Variants in SSBP3 observed in about 807,000 individuals in gnomAD.
SSBP3 encodes single-stranded DNA-binding protein 3.
Under a neutral mutation model 69.6 loss-of-function variants are expected in SSBP3, and 5 were observed. The observed-to-expected ratio is 0.07, with a 90% CI of 0.04 to 0.15. The LOEUF (loss-of-function observed/expected upper bound fraction) is 0.15. Among genes scored for constraint, SSBP3 ranks in the 10% least tolerant of loss-of-function variants. The pLI is 1.00. For synonymous variants in SSBP3, 196 were observed against 193.4 expected (o/e 1.01, Z -0.11); for missense variants, 312 against 534.0 (o/e 0.58, Z 4.10).
exon 18 of SSBP3, chr1:54,225,893 C>T (rs563240866): frequency 6.6e-6 from 1 of 152,520 alleles, no homozygotes; most frequent in Admixed American, 6.5e-5. Context: ...CCCCACCCCC[C>T]ACAGCTGCTC....
rs1306799879 is a variant in SSBP3, at chr1:54,258,969, G to GC, written c.367-821dup. The stretch of plus-strand genomic sequence containing the variant: ...GTCAGTGGCAGAGCTGGGATGAGAA[G>GC]CCCCATGGGTCCAAGGCCCATCTCC... On this transcript the variant is annotated intron_variant, in intron 5 of 17. Coordinates refer to ENST00000610401, the Ensembl canonical transcript of SSBP3. This position sits in a 1 kb window ranked among gnomAD's most constrained non-coding sequence, Gnocchi z 4.5. 6.6e-6 allele frequency among the ~76,000 whole-genome samples: 1 copy of GC among 152,216 alleles called. No homozygotes were observed. The highest frequency in any genetic ancestry group is 6.5e-5 in the Admixed American group (1 of 15,288).
chr1:54,236,289 T>C (rs958217687), intron 14 of SSBP3, among the ~76,000 whole-genome samples: 12 of 152,156 alleles, frequency 7.9e-5, no homozygotes, highest in Non-Finnish European at 1.2e-4. Context: ...CTAATGTTTG[T>C]ATTTTTTAGT....
At chr1:54,319,832 T>C (rs1187493680) in intron 4 of SSBP3, among the ~76,000 whole-genome samples, 3 of 152,196 alleles carry the variant, frequency 2.0e-5, no homozygotes, top group African/African-American at 2.4e-5. Context: ...TATTCTTTTG[T>C]TGGCCTCTTC....
chr1:54,346,161 CA>C (rs779933899), intron 4 of SSBP3, among the ~76,000 whole-genome samples: 373 of 132,168 alleles, frequency 2.8e-3, no homozygotes, highest in East Asian at 6.7e-3. Context: ...GACTTCATCT[CA>C]AAAAAAAAAA....
chr1:54,317,707 G>A (rs1417662789), intron 4 of SSBP3, among the ~76,000 whole-genome samples: 1 of 152,130 alleles, frequency 6.6e-6, no homozygotes, highest in African/African-American at 2.4e-5. Flanking sequence ...ACAAGAGATG[G>A]GGTGCTGTAC....
intron 6 of SSBP3, 125 bp downstream of exon 6, chr1:54,257,944 A>G (rs1644951516): frequency 2.3e-6 from 2 of 868,924 alleles, no homozygotes; most frequent in Non-Finnish European, 3.3e-6. Context: ...AAAAAATTTA[A>G]TTTGTCAATA....
At chr1:54,302,014 C>G (rs1183801712) in intron 4 of SSBP3, among the ~76,000 whole-genome samples, 1 of 150,428 alleles carries the variant, frequency 6.6e-6, no homozygotes, top group African/African-American at 2.4e-5. Flanking sequence ...GCAATCCTCT[C>G]TGGATTCTCC....
chr1:54,351,117 G>A (rs1042749960), intron 4 of SSBP3, among the ~76,000 whole-genome samples: 4 of 152,134 alleles, frequency 2.6e-5, no homozygotes, highest in Non-Finnish European at 4.4e-5. Context: ...GTGAGCCACC[G>A]TGCCCAGCCT....
intron 11 of SSBP3, 23 bp from the exon 12 acceptor site, chr1:54,241,532 C>A (rs779868375): frequency 1.9e-6 from 3 of 1,613,118 alleles, no homozygotes; most frequent in Non-Finnish European, 2.5e-6. Flanking sequence ...TGTCAGGGAG[C>A]CCCACGTCAG....
chr1:54,375,677 G>A (rs1284231531), intron 4 of SSBP3, among the ~76,000 whole-genome samples: 1 of 152,198 alleles, frequency 6.6e-6, no homozygotes, highest in African/African-American at 2.4e-5. Flanking sequence ...TGGAAAGGAT[G>A]GTGAGGGGCG....
At chr1:54,266,231 G>A (rs1232180376) in intron 5 of SSBP3, among the ~76,000 whole-genome samples, 2 of 152,158 alleles carry the variant, frequency 1.3e-5, no homozygotes, top group Non-Finnish European at 2.9e-5. Flanking sequence ...TGGGTCCCTC[G>A]CACCAAGCTG....
chr1:54,337,220 G>A (rs1646522794), intron 4 of SSBP3, among the ~76,000 whole-genome samples: 1 of 152,254 alleles, frequency 6.6e-6, no homozygotes, highest in Admixed American at 6.5e-5. Context: ...CCACCCCAAC[G>A]GTTCACAGGG....
chr1:54,260,997 C>T (rs566883105), intron 5 of SSBP3, among the ~76,000 whole-genome samples: 25 of 152,348 alleles, frequency 1.6e-4, no homozygotes, highest in Admixed American at 1.1e-3. Context: ...GCCCACCTCT[C>T]GGCACAGAGC....
intron 7 of SSBP3, among the ~76,000 whole-genome samples, chr1:54,256,546 C>G (rs1299453176): frequency 6.6e-6 from 1 of 152,106 alleles, no homozygotes; most frequent in Non-Finnish European, 1.5e-5. Context: ...AATCAGACCC[C>G]TTTTCTAATT....
intron 4 of SSBP3, among the ~76,000 whole-genome samples, chr1:54,300,324 G>A (rs980569630): frequency 1.3e-5 from 2 of 152,196 alleles, no homozygotes; most frequent in African/African-American, 4.8e-5. Context: ...GGTCTCAGGA[G>A]GCCAGCAGAA....
At chr1:54,389,718 A>C (rs1338531180) in intron 4 of SSBP3, among the ~76,000 whole-genome samples, 2 of 151,936 alleles carry the variant, frequency 1.3e-5, no homozygotes, top group Non-Finnish European at 2.9e-5. Flanking sequence ...AAAATAAAAA[A>C]ACAGAAAAGT....
chr1:54,305,578 G>A (rs1645884217), intron 4 of SSBP3, among the ~76,000 whole-genome samples: 1 of 150,738 alleles, frequency 6.6e-6, no homozygotes, highest in Non-Finnish European at 1.5e-5. Flanking sequence ...GGAGAAGCCA[G>A]GGAACTTGAG....
chr1:54,249,521 C>T (rs1644790389), intron 9 of SSBP3, among the ~76,000 whole-genome samples: 1 of 151,960 alleles, frequency 6.6e-6, no homozygotes, highest in Admixed American at 6.6e-5. Context: ...ATGGCAAGAC[C>T]CTGTCTCTAC....
intron 5 of SSBP3, among the ~76,000 whole-genome samples, chr1:54,279,302 T>C (rs994285184): frequency 5.3e-5 from 8 of 152,084 alleles, no homozygotes; most frequent in African/African-American, 1.9e-4. Flanking sequence ...CAGGAATCAG[T>C]CTTGGCTTTC....
Sources: gnomAD v4.1 joint callset for allele counts (sites outside exome capture counted in the v4.1 genomes callset) on GRCh38, gnomAD v4.1.1 for gene constraint, Gnocchi (gnomAD v3.1) non-coding constraint, MANE v1.5 for transcripts, NCBI Gene and HGNC (gene_info 2026-07-23, HGNC 2026-07-21) for gene names.